The following PPFIBP2 variants were observed in gnomAD, a reference collection of about 807,000 sequenced individuals.
PPFIBP2 encodes liprin-beta-2.
PPFIBP2 carries 118 observed loss-of-function variants against 118.3 expected under a neutral mutation model. The observed-to-expected ratio is 1.00, with a 90% confidence interval of 0.86 to 1.16. The LOEUF (loss-of-function observed/expected upper bound fraction) is 1.16. PPFIBP2 is among the 50% of genes most tolerant of loss of function. The pLI is 0.00. For synonymous variants in PPFIBP2, 414 were observed against 397.4 expected, an observed-to-expected ratio of 1.04 and a Z score of -0.50; for missense variants, 1,195 against 1,073.1, an observed-to-expected ratio of 1.11 and a Z score of -1.59.
At chr11:7,587,042 A>G (rs1335944776) in intron 3 of PPFIBP2, among the ~76,000 whole-genome samples, 1 of 152,196 alleles carries the variant, frequency 6.6e-6, no homozygotes, top group Non-Finnish European at 1.5e-5. Context: ...CATATCACAC[A>G]TCCTGCTCCC....
At chr11:7,522,247 G>A (rs186531594) in intron 1 of PPFIBP2, among the ~76,000 whole-genome samples, 1 of 152,174 alleles carries the variant, frequency 6.6e-6, no homozygotes, top group Non-Finnish European at 1.5e-5. Context: ...GTGACTGATT[G>A]TATTTGAGGG....
At chr11:7,638,956 TC>T (rs777420454) in intron 14 of PPFIBP2, among the ~76,000 whole-genome samples, 2 of 152,222 alleles carry the variant, frequency 1.3e-5, no homozygotes, top group African/African-American at 2.4e-5. Context: ...TGGCATGTAG[TC>T]CTCTGGCCCA....
chr11:7,648,324 T>C, intron 17 of PPFIBP2, 63 bp from the exon 18 acceptor site: 1 of 1,512,188 alleles, frequency 6.6e-7, no homozygotes, highest in South Asian at 1.2e-5. Flanking sequence ...TTGTGAGACA[T>C]GATTAGATTC....
At position 7,541,496 on chromosome 11, in the gene PPFIBP2, C is replaced by A. The variant is rs189662072; in HGVS notation, c.-36-7944C>A. Among the ~76,000 whole-genome samples the A allele has an allele frequency of 9.9e-5, 15 of 152,272 alleles. No individual in the cohort carries two copies. In the East Asian group the frequency reaches 1.9e-3, roughly 20 times the overall value. On this transcript the variant is annotated intron_variant, in intron 1 of 23. Transcript: ENST00000299492. ...CCCTCTATCCAGAAACCCTTTGGTT[C>A]GCTTATGGGTGCCACTCTCACTTCT...
At chr11:7,584,459 A>AT (rs1857763546) in intron 3 of PPFIBP2, among the ~76,000 whole-genome samples, 1 of 152,190 alleles carries the variant, frequency 6.6e-6, no homozygotes, top group Admixed American at 6.5e-5. Context: ...ACTGCACTCT[A>AT]TTCACATTGC....
chr11:7,613,301 C>T (rs186799369), intron 6 of PPFIBP2, among the ~76,000 whole-genome samples: 41 of 152,302 alleles, frequency 2.7e-4, no homozygotes, highest in Non-Finnish European at 5.3e-4. Flanking sequence ...TCACACTGCT[C>T]CTTCTCTGAT....
At chr11:7,653,967 A>C (rs1252903653), downstream of PPFIBP2, among the ~76,000 whole-genome samples, 3 of 152,084 alleles carry the variant, frequency 2.0e-5, no homozygotes, top group Non-Finnish European at 4.4e-5. Context: ...CTGCTTCAGA[A>C]TTTGCTTCCC....
intron 3 of PPFIBP2, among the ~76,000 whole-genome samples, chr11:7,592,097 C>T (rs1859423779): frequency 6.6e-6 from 1 of 152,232 alleles, no homozygotes; most frequent in Non-Finnish European, 1.5e-5. Flanking sequence ...GCTGATTTCA[C>T]TGGACCAGCT....
At chr11:7,566,869 T>G (rs1855055181) in intron 3 of PPFIBP2, among the ~76,000 whole-genome samples, 1 of 152,184 alleles carries the variant, frequency 6.6e-6, no homozygotes, top group African/African-American at 2.4e-5. Context: ...AGTTCCCATA[T>G]TTTTCCCTGT....
At chr11:7,566,238 G>C (rs919510962) in intron 3 of PPFIBP2, among the ~76,000 whole-genome samples, 6 of 152,116 alleles carry the variant, frequency 3.9e-5, no homozygotes, top group African/African-American at 9.7e-5. Flanking sequence ...CATTTCTTTG[G>C]TAAAAAGGCT....
Position 7,583,522 on chromosome 11 carries a change from TCTC to T in PPFIBP2, c.280-9604_280-9602del, listed in dbSNP as rs200196074. On this transcript the variant is annotated intron_variant, in intron 3 of 23. Coordinates refer to ENST00000299492, the MANE Select transcript of PPFIBP2 (RefSeq NM_003621.5). ...TCTTCAAAGAGTCTTCTCTTTTTAC[TCTC>T]CTCCTGGCTTTCACATCCTCTCATT... Among the ~76,000 whole-genome samples the T allele has an allele frequency of 7.8e-4, 119 of 152,326 alleles. 2 individuals are homozygous for T. In the East Asian group the frequency reaches 0.017, roughly 22 times the overall value.
At chr11:7,615,165 A>T (rs2135538199) in intron 6 of PPFIBP2, among the ~76,000 whole-genome samples, 1 of 152,068 alleles carries the variant, frequency 6.6e-6, no homozygotes, top group Non-Finnish European at 1.5e-5. Context: ...GTGAAACCCC[A>T]TCTCTACTAA....
intron 1 of PPFIBP2, among the ~76,000 whole-genome samples, chr11:7,533,196 G>GT (rs1564944842): frequency 6.6e-6 from 1 of 152,136 alleles, no homozygotes; most frequent in African/African-American, 2.4e-5. Context: ...AGGCCCAAGC[G>GT]TAAGTTCCCC....
At chr11:7,644,258 G>A (rs1852644268) in intron 17 of PPFIBP2, among the ~76,000 whole-genome samples, 1 of 152,056 alleles carries the variant, frequency 6.6e-6, no homozygotes, top group Non-Finnish European at 1.5e-5. Context: ...GAATTTTTAT[G>A]TTTATATAGA....
intron 1 of PPFIBP2, among the ~76,000 whole-genome samples, chr11:7,545,830 G>C (rs190351714): frequency 6.4e-4 from 97 of 152,304 alleles, no homozygotes; most frequent in African/African-American, 2.2e-3. Flanking sequence ...CTGGTTACCA[G>C]AGAAACCAAC....
intron 5 of PPFIBP2, among the ~76,000 whole-genome samples, chr11:7,599,349 T>C (rs974767513): frequency 1.6e-4 from 24 of 152,144 alleles, no homozygotes; most frequent in African/African-American, 4.8e-4. Flanking sequence ...TGTCAGAAGG[T>C]TGATGTTTCA....
chr11:7,614,202 T>C (rs1848381019), intron 6 of PPFIBP2, among the ~76,000 whole-genome samples: 1 of 152,174 alleles, frequency 6.6e-6, no homozygotes, highest in African/African-American at 2.4e-5. Flanking sequence ...AAAAATCAAG[T>C]GTTCAAAAGG....
At chr11:7,572,921 A>C (rs1239199289) in intron 3 of PPFIBP2, among the ~76,000 whole-genome samples, 1 of 152,180 alleles carries the variant, frequency 6.6e-6, no homozygotes, top group Non-Finnish European at 1.5e-5. Flanking sequence ...CTGGGATTGC[A>C]GTTGTGCACC....
intron 3 of PPFIBP2, among the ~76,000 whole-genome samples, chr11:7,589,168 T>A (rs1180194844): frequency 6.6e-6 from 1 of 152,228 alleles, no homozygotes; most frequent in Admixed American, 6.5e-5. Context: ...TAGTGGCTAA[T>A]GTCATTGGTT....
Sources: gnomAD v4.1 joint callset for allele counts (sites outside exome capture counted in the v4.1 genomes callset) on GRCh38, gnomAD v4.1.1 for gene constraint, MANE v1.5 for transcripts, NCBI Gene and HGNC (gene_info 2026-07-23, HGNC 2026-07-21) for gene names.